The following PTPRF variants were observed in gnomAD, a reference collection of about 807,000 sequenced individuals.
The protein encoded by PTPRF is receptor-type tyrosine-protein phosphatase F.
PTPRF carries 59 observed loss-of-function variants against 201.8 expected under a neutral mutation model. The ratio of observed to expected loss-of-function variants is 0.29; its 90% confidence interval spans 0.24 to 0.36. The LOEUF (loss-of-function observed/expected upper bound fraction) is 0.36. PTPRF is among the 10% of genes least tolerant of loss of function. The pLI is 1.00. For synonymous variants in PTPRF, 1,088 were observed against 1,089.7 expected, an observed-to-expected ratio of 1.00 and a Z score of 0.03; for missense variants, 2,132 against 2,690.5, an observed-to-expected ratio of 0.79 and a Z score of 4.59.
In PTPRF at chr1:43,598,736, G is replaced by A. The variant is rs147435139; in HGVS notation, c.2136G>A (p.Pro712=). 9.8e-5 allele frequency: 158 copies of A among 1,613,566 alleles called. No individual in the cohort carries two copies. The African/African-American group carries it at 1.8e-3, about 19-fold the overall frequency. The change falls in exon 13 of 34, where the codon CCG becomes CCA. Residue 712 remains proline (P), a synonymous_variant. Coordinates refer to ENST00000359947, the MANE Select transcript of PTPRF (RefSeq NM_002840.5). ...ACCCCCCAGTGCCCAGCGGGCCTCC[G>A]CGGAAGGTGGAGGTGGAGCCACTGA... ...RTDEDVPSGP[P]RKVEVEPLNS...
Position 43,603,458 on chromosome 1 carries a change from G to C in PTPRF, c.2383G>C (p.Val795Leu). ...SGLTPETTYS[V>L]TVAAYTTKGD... Reference sequence around the variant, plus strand: ...CCTGACCCCGGAGACCACCTACTCCGTTACTGTTGCTGCCTATACCACCAA... The same window carrying C: ...CCTGACCCCGGAGACCACCTACTCCCTTACTGTTGCTGCCTATACCACCAA... Residue 795 changes from valine to leucine, a missense_variant, in exon 15 of 34, where the codon GTT (valine) becomes CTT (leucine). Physicochemically the swap from Val to Leu is conservative, Grantham distance 32. Coordinates refer to ENST00000359947, the MANE Select transcript of PTPRF (RefSeq NM_002840.5). This position sits in a 1 kb window ranked among gnomAD's most constrained non-coding sequence, Gnocchi z 5.8. The C allele has an allele frequency of 6.2e-7, 1 of 1,614,124 alleles. No individual in the cohort carries two copies. The highest frequency in any genetic ancestry group is 8.5e-7 in the Non-Finnish European group (1 of 1,180,014).
intron 7 of PTPRF, chr1:43,579,753 CCTT>C (rs1212304063): frequency 6.5e-6 from 1 of 154,658 alleles, no homozygotes; most frequent in African/African-American, 2.4e-5. Flanking sequence ...CCTCACCTAG[CCTT>C]CTTGTACAGA....
At chr1:43,561,842 T>G (rs1378006907) in intron 5 of PTPRF, among the ~76,000 whole-genome samples, 1 of 152,204 alleles carries the variant, frequency 6.6e-6, no homozygotes, top group African/African-American at 2.4e-5. Flanking sequence ...TGGGTGCTCC[T>G]GTTTAGTAGG....
chr1:43,542,263 C>T lies in PTPRF; in HGVS notation c.-45-2768C>T, dbSNP rs745321065. ...AGGGCGGGAGGCAGCTTGCTCTCGCCAGGAGCTGGTGAGGGAGAGGCCCTG... is the reference window on the plus strand; with the variant it reads ...AGGGCGGGAGGCAGCTTGCTCTCGCTAGGAGCTGGTGAGGGAGAGGCCCTG... On this transcript the variant is annotated intron_variant, in intron 2 of 33. Coordinates refer to ENST00000359947, the MANE Select transcript of PTPRF (RefSeq NM_002840.5). The surrounding 1 kb of genome is among the most constrained non-coding windows in gnomAD (Gnocchi z 5.2). Among the ~76,000 whole-genome samples, 9 of 152,178 alleles carry T rather than the reference C, an allele frequency of 5.9e-5. No individual in the cohort carries two copies. Among genetic ancestry groups the T allele is most frequent in the Non-Finnish European group, 1.2e-4 (8 of 68,028 alleles).
At chr1:43,599,249 T>A (rs1653144448) in intron 13 of PTPRF, among the ~76,000 whole-genome samples, 1 of 152,188 alleles carries the variant, frequency 6.6e-6, no homozygotes, top group Non-Finnish European at 1.5e-5. Context: ...CCAATTTTCG[T>A]ATTTTTAGTA....
upstream of PTPRF, among the ~76,000 whole-genome samples, chr1:43,524,243 A>G (rs1195654817): frequency 6.6e-6 from 1 of 152,192 alleles, no homozygotes; most frequent in African/African-American, 2.4e-5. Context: ...TAAGGGATAC[A>G]TATTGGGTAC....
chr1:43,619,383 C>T lies in PTPRF; in HGVS notation c.4742C>T (p.Thr1581Ile). The change falls in exon 28 of 34, where the codon ACC (threonine) becomes ATC (isoleucine). Residue 1581 changes from threonine to isoleucine, a missense_variant. Thr to Ile is a moderately conservative substitution (Grantham distance 89). Transcript: ENST00000359947. ...ACGGTGGACATCTATGGCCACGTGA[C>T]CTGCATGCGATCACAGAGGAACTAC... The part of the protein sequence containing the change: ...EKTVDIYGHV[T>I]CMRSQRNYMV... 6.2e-7 allele frequency: 1 copy of T among 1,614,068 alleles called. No homozygotes were observed. The highest frequency in any genetic ancestry group is 8.5e-7 in the Non-Finnish European group (1 of 1,180,028).
At chr1:43,574,911 C>T (rs1646823176) in intron 6 of PTPRF, among the ~76,000 whole-genome samples, 2 of 152,220 alleles carry the variant, frequency 1.3e-5, no homozygotes, top group Admixed American at 1.3e-4. Context: ...GTCTCTTGGC[C>T]TCTGTTTTCT....
chr1:43,547,818 T>A (rs1014664743), intron 3 of PTPRF, among the ~76,000 whole-genome samples: 1 of 152,160 alleles, frequency 6.6e-6, no homozygotes, highest in African/African-American at 2.4e-5. Context: ...TGGGCACACA[T>A]TGGGGTAGGA....
At chr1:43,563,648 G>A (rs371300139) in intron 5 of PTPRF, among the ~76,000 whole-genome samples, 4 of 152,212 alleles carry the variant, frequency 2.6e-5, no homozygotes, top group South Asian at 2.1e-4. Context: ...GGGTGCTGCC[G>A]AGAGGCCCGG....
intron 5 of PTPRF, among the ~76,000 whole-genome samples, chr1:43,561,275 G>A (rs1451917555): frequency 6.6e-6 from 1 of 152,142 alleles, no homozygotes; most frequent in African/African-American, 2.4e-5. Context: ...TGCAAGATGG[G>A]TACATGTGTG....
Position 43,592,492 on chromosome 1 carries a change from A to G in PTPRF, c.1704A>G (p.Thr568=). 2 of 1,612,608 alleles carry G rather than the reference A, an allele frequency of 1.2e-6. No homozygotes were observed. The highest frequency in any genetic ancestry group is 2.2e-5 in the South Asian group (2 of 90,908). The stretch of plus-strand genomic sequence containing the variant: ...CCTTCGACCCAACCTCCTCCTACAC[A>G]CTAGAGGACCTGAAGCCTGACACAC... ...KVTFDPTSSY[T]LEDLKPDTLY... The change falls in exon 11 of 34, where the codon ACA becomes ACG. Residue 568 remains threonine (T), a synonymous_variant. Coordinates refer to ENST00000359947, the MANE Select transcript of PTPRF (RefSeq NM_002840.5).
At chr1:43,574,285 C>T (rs1037813566) in intron 6 of PTPRF, among the ~76,000 whole-genome samples, 8 of 151,930 alleles carry the variant, frequency 5.3e-5, no homozygotes, top group Admixed American at 2.0e-4. Flanking sequence ...GGTGAGCCAC[C>T]GTGCCCAGCC....
At chr1:43,564,336 G>A (rs1646009080) in intron 5 of PTPRF, among the ~76,000 whole-genome samples, 1 of 152,172 alleles carries the variant, frequency 6.6e-6, no homozygotes, top group Non-Finnish European at 1.5e-5. Context: ...TGGAGCGGCT[G>A]AAGGGCAGGG....
At chr1:43,609,093 C>G (rs1186735823) in intron 21 of PTPRF, among the ~76,000 whole-genome samples, 5 of 152,172 alleles carry the variant, frequency 3.3e-5, no homozygotes, top group African/African-American at 1.2e-4. Flanking sequence ...CTGCAGTGAC[C>G]TGCCTTCTAT....
Position 43,591,247 on chromosome 1 carries a change from G to A in PTPRF, c.1225G>A (p.Gly409Arg). 6.3e-7 allele frequency: 1 copy of A among 1,588,870 alleles called. No homozygotes were observed. Among genetic ancestry groups the A allele is most frequent in the Non-Finnish European group, 8.6e-7 (1 of 1,169,270 alleles). ...CAGCGAGGCAGTGCGGGCACGCACG[G>A]GAGAACAGGCGCCCTCCAGCCCACC... ...PPSEAVRART[G>R]EQAPSSPPRR... The change falls in exon 9 of 34, where the codon GGA (glycine) becomes AGA (arginine). Residue 409 changes from glycine to arginine, a missense_variant. Around this residue, in one of 6 missense-constraint regions of PTPRF, gnomAD observed 351 missense variants for 401.7 expected, o/e 0.87. Transcript: ENST00000359947.
intron 11 of PTPRF, among the ~76,000 whole-genome samples, chr1:43,597,163 CTG>C (rs10652057): frequency 6.6e-5 from 10 of 151,738 alleles, no homozygotes; most frequent in East Asian, 1.9e-4. Context: ...ATACGTGAGA[CTG>C]TGAGACACTA....
chr1:43,605,364 C>G lies in PTPRF; in HGVS notation c.3310C>G (p.Pro1104Ala). 1 of 1,613,990 alleles carries G rather than the reference C, an allele frequency of 6.2e-7. No individual in the cohort carries two copies. The highest frequency in any genetic ancestry group is 8.5e-7 in the Non-Finnish European group (1 of 1,180,008). The change falls in exon 18 of 34, where the codon CCG becomes GCG. Residue 1104 changes from proline (P) to alanine (A), a missense_variant. This residue lies in a region of PTPRF where 818 missense variants were observed against 915.3 expected (regional missense o/e 0.89). Coordinates refer to ENST00000359947, the MANE Select transcript of PTPRF (RefSeq NM_002840.5). ...RTAPDLLPHK[P>A]LPASAYIEDG... ...AGCCCCCGACCTCCTGCCTCACAAG[C>G]CGCTGCCTGCCTCTGCCTACATAGA... is the stretch of plus-strand genomic sequence containing the variant.
chr1:43,535,823 G>A (rs951341194), intron 1 of PTPRF, among the ~76,000 whole-genome samples: 1 of 152,206 alleles, frequency 6.6e-6, no homozygotes, highest in Non-Finnish European at 1.5e-5. Flanking sequence ...TGCCCAGGCT[G>A]GAGTGTAGTG....
Sources: allele counts gnomAD v4.1 joint callset (sites outside exome capture counted in the v4.1 genomes callset), GRCh38; gene constraint gnomAD v4.1.1; regional missense constraint gnomAD v4.1.1; non-coding constraint Gnocchi (gnomAD v3.1); transcripts MANE v1.5; gene names NCBI Gene and HGNC (gene_info 2026-07-23, HGNC 2026-07-21).